The following IL22RA1 variants were observed in gnomAD, a reference collection of about 807,000 sequenced individuals.
IL22RA1 encodes the protein interleukin 22 receptor subunit alpha 1, also known as interleukin-22 receptor subunit alpha-1.
A neutral mutation model predicts 32.8 loss-of-function variants in IL22RA1; 25 were observed. The ratio of observed to expected loss-of-function variants is 0.76; its 90% CI spans 0.55 to 1.06. The LOEUF is 1.06. Among genes scored for constraint, IL22RA1 ranks in the 50% least tolerant of loss-of-function variants. IL22RA1 has a pLI of 0.00. For synonymous variants in IL22RA1, 305 were observed against 305.0 expected, an observed-to-expected ratio of 1.00 and a Z score of 0.00; for missense variants, 709 against 727.4, an observed-to-expected ratio of 0.97 and a Z score of 0.29.
chr1:24,139,004 G>C (rs1644262410), intron 1 of IL22RA1, among the ~76,000 whole-genome samples: 1 of 152,240 alleles, frequency 6.6e-6, no homozygotes. Context: ...ACAGTGTTCA[G>C]TTCAATGGTT....
chr1:24,120,769 G>T lies in IL22RA1; in HGVS notation c.*36C>A. 4 of 1,541,670 alleles carry T rather than the reference G, an allele frequency of 2.6e-6. No homozygotes were observed. Among genetic ancestry groups the T allele is most frequent in the Non-Finnish European group, 3.5e-6 (4 of 1,137,724 alleles). On this transcript the variant is annotated 3_prime_UTR_variant, in exon 7 of 7. Transcript: ENST00000270800. The stretch of plus-strand genomic sequence containing the variant: ...CAGCCAAGGATGTGACACTGGGTAG[G>T]GACAGGGAGGAAGCACCAAGCCTTT...
chr1:24,137,528 T>G (rs1178219161), intron 2 of IL22RA1, among the ~76,000 whole-genome samples: 1 of 151,248 alleles, frequency 6.6e-6, no homozygotes, highest in African/African-American at 2.4e-5. Context: ...TTTTTTTTTT[T>G]TTTCTTGAGA....
intron 5 of IL22RA1, among the ~76,000 whole-genome samples, chr1:24,127,254 G>C (rs1644172300): frequency 6.6e-6 from 1 of 151,568 alleles, no homozygotes; most frequent in Non-Finnish European, 1.5e-5. Flanking sequence ...GTAAGAGCAT[G>C]GCCTCTAGAA....
Position 24,120,995 on chromosome 1 carries a change from G to A in IL22RA1, c.1535C>T (p.Pro512Leu), listed in dbSNP as rs1205719983. ...ACATGGACGGGAAGGAGGTTGCAAA[G>A]GGAGGGACATGGGGTGGCCCTCGAT... is the stretch of plus-strand genomic sequence containing the variant. ...VQIEGHPMSL[P>L]LQPPSRPCSP... Residue 512 changes from proline (P) to leucine (L), a missense_variant, in exon 7 of 7, where the codon CCT becomes CTT. By Grantham distance (98) the Pro-to-Leu change is moderately conservative. Transcript: ENST00000270800. 3 of 1,614,122 alleles carry A rather than the reference G, an allele frequency of 1.9e-6. No homozygotes were observed. The East Asian group carries it at 6.7e-5, about 36-fold the overall frequency.
At chr1:24,137,511 CCTTT>C (rs1644250503) in intron 2 of IL22RA1, among the ~76,000 whole-genome samples, 1 of 138,538 alleles carries the variant, frequency 7.2e-6, no homozygotes, top group African/African-American at 2.6e-5. Flanking sequence ...TTTATTCCTT[CCTTT>C]CTTTTTTTTT....
chr1:24,134,872 A>G, intron 3 of IL22RA1: 1 of 982,110 alleles, frequency 1.0e-6, no homozygotes, highest in Non-Finnish European at 1.2e-6. Context: ...TTTCCAAATA[A>G]CCAAATTACC....
chr1:24,137,114 C>G lies in IL22RA1; in HGVS notation c.355+17G>C, dbSNP rs1238169772. 5 of 1,600,608 alleles carry G rather than the reference C, an allele frequency of 3.1e-6. No individual in the cohort carries two copies. Among genetic ancestry groups the G allele is most frequent in the Non-Finnish European group, 4.3e-6 (5 of 1,169,334 alleles). ...TTCCTCTTCCCTCCCCTGAAACCCA[C>G]AGGGGCTCCAACTCACTGTGCTGCA... On this transcript the variant is annotated intron_variant, in intron 3 of 6. Coordinates refer to ENST00000270800, the MANE Select transcript of IL22RA1 (RefSeq NM_021258.4).
chr1:24,141,077 TTTGGGTTCTGGCCC>T (rs2148576839), intron 1 of IL22RA1, among the ~76,000 whole-genome samples: 1 of 152,322 alleles, frequency 6.6e-6, no homozygotes, highest in Non-Finnish European at 1.5e-5. Context: ...CCTCTCTGAA[TTTGGGTTCTGGCCC>T]AGCAGCTGCA....
chr1:24,121,234 C>A lies in IL22RA1; in HGVS notation c.1296G>T (p.Gln432His). Residue 432 changes from glutamine to histidine, a missense_variant, in exon 7 of 7, where the codon CAG (glutamine) becomes CAT (histidine). By Grantham distance (24) the Gln-to-His change is conservative (BLOSUM62 0). Coordinates refer to ENST00000270800, the MANE Select transcript of IL22RA1 (RefSeq NM_021258.4). ...PKHLRPKGQL[Q>H]KEPPAGSCML... Reference sequence around the variant, plus strand: ...TGCAGCTTCCAGCTGGTGGCTCTTTCTGAAGCTGACCTTTAGGCCTAAGGT... The same window carrying A: ...TGCAGCTTCCAGCTGGTGGCTCTTTATGAAGCTGACCTTTAGGCCTAAGGT... 2 of 1,614,226 alleles carry A rather than the reference C, an allele frequency of 1.2e-6. No homozygotes were observed. The highest frequency in any genetic ancestry group is 1.1e-5 in the South Asian group (1 of 91,086).
chr1:24,140,860 T>C (rs778322921), intron 1 of IL22RA1, among the ~76,000 whole-genome samples: 1 of 152,216 alleles, frequency 6.6e-6, no homozygotes, highest in Non-Finnish European at 1.5e-5. Flanking sequence ...GGCCTGGGTG[T>C]GTGTCTTGAA....
In IL22RA1 at chr1:24,120,769, G is replaced by A. The variant is rs867579021; in HGVS notation, c.*36C>T. 1.9e-6 allele frequency: 3 copies of A among 1,541,670 alleles called. No homozygotes were observed. Among genetic ancestry groups the A allele is most frequent in the Non-Finnish European group, 2.6e-6 (3 of 1,137,724 alleles). Reference sequence around the variant, plus strand: ...CAGCCAAGGATGTGACACTGGGTAGGGACAGGGAGGAAGCACCAAGCCTTT... The same window carrying A: ...CAGCCAAGGATGTGACACTGGGTAGAGACAGGGAGGAAGCACCAAGCCTTT... On this transcript the variant is annotated 3_prime_UTR_variant, in exon 7 of 7. Transcript: ENST00000270800.
At chr1:24,137,425 G>A in intron 2 of IL22RA1, 116 bp from the exon 3 acceptor site, 1 of 833,002 alleles carries the variant, frequency 1.2e-6, no homozygotes. Flanking sequence ...CAGTGGCCCA[G>A]GCCCTTTATG....
chr1:24,123,871 A>T (rs527420163), intron 5 of IL22RA1, among the ~76,000 whole-genome samples: 1 of 152,188 alleles, frequency 6.6e-6, no homozygotes, highest in South Asian at 2.1e-4. Context: ...CTCATGGTCG[A>T]GCTCATCCAT....
At chr1:24,137,095 T>C in intron 3 of IL22RA1, 36 bp downstream of exon 3, 1 of 1,590,940 alleles carries the variant, frequency 6.3e-7, no homozygotes, top group Non-Finnish European at 8.6e-7. Flanking sequence ...CGCTTTCCTC[T>C]TCCCTCCCCT....
intron 2 of IL22RA1, among the ~76,000 whole-genome samples, chr1:24,138,187 T>C (rs982740886): frequency 6.6e-6 from 1 of 152,180 alleles, no homozygotes; most frequent in Non-Finnish European, 1.5e-5. Context: ...TCACTAATAA[T>C]AATAAAACAA....
In IL22RA1 at chr1:24,120,943, G is replaced by C. The variant is rs753398266; in HGVS notation, c.1587C>G (p.Pro529=). The C allele has an allele frequency of 6.2e-7, 1 of 1,614,244 alleles. No individual in the cohort carries two copies. The highest frequency in any genetic ancestry group is 2.2e-5 in the East Asian group (1 of 44,888). ...PCSPSDQGPS[P]WGLLESLVCP... ...ACACAAGGGACTCCAGCAGGCCCCA[G>C]GGACTTGGACCTTGGTCCGAGGGGG... Residue 529 remains proline, a synonymous_variant, in exon 7 of 7, where the codon CCC becomes CCG. Transcript: ENST00000270800.
In IL22RA1 at chr1:24,135,639, G is replaced by T. The variant is rs542563039; in HGVS notation, c.356-1253C>A. 7.2e-5 allele frequency among the ~76,000 whole-genome samples: 11 copies of T among 152,232 alleles called. No homozygotes were observed. The East Asian group carries it at 1.9e-3, about 27-fold the overall frequency. ...ACTGACTCACAGTTCCACATGGCTG[G>T]GGAGGCCTCAGGAAACTTACAATCA... On this transcript the variant is annotated intron_variant, in intron 3 of 6. Coordinates refer to ENST00000270800, the MANE Select transcript of IL22RA1 (RefSeq NM_021258.4).
intron 6 of IL22RA1, 142 bp downstream of exon 6, chr1:24,123,159 TG>T: frequency 7.9e-7 from 1 of 1,262,834 alleles, no homozygotes; most frequent in Non-Finnish European, 1.1e-6. Context: ...TGACTTTAGC[TG>T]GGACTGTGAG....
chr1:24,141,305 G>A (rs1214727409), intron 1 of IL22RA1, among the ~76,000 whole-genome samples: 1 of 152,216 alleles, frequency 6.6e-6, no homozygotes, highest in African/African-American at 2.4e-5. Flanking sequence ...TAAAGTTGAG[G>A]AAAGGAGTCC....
Sources: allele counts gnomAD v4.1 joint callset (sites outside exome capture counted in the v4.1 genomes callset), GRCh38; gene constraint gnomAD v4.1.1; transcripts MANE v1.5; gene names NCBI Gene and HGNC (gene_info 2026-07-23, HGNC 2026-07-21).